ADAMTS20: variants seen among roughly 807,000 people sequenced by gnomAD.
The protein encoded by ADAMTS20 is A disintegrin and metalloproteinase with thrombospondin motifs 20.
In ADAMTS20, 225 loss-of-function variants were observed where a neutral mutation model predicts 260.1. That is an observed-to-expected ratio of 0.87 (90% CI 0.78 to 0.97). The LOEUF is 0.97. ADAMTS20 is among the 50% of genes least tolerant of loss of function. The pLI is 0.00. For synonymous variants in ADAMTS20, 802 were observed against 769.5 expected (o/e 1.04, Z -0.70); for missense variants, 2,400 against 2,337.7 (o/e 1.03, Z -0.55).
intron 38 of ADAMTS20, among the ~76,000 whole-genome samples, chr12:43,354,623 C>T (rs1470423378): frequency 6.6e-6 from 1 of 152,092 alleles, no homozygotes; most frequent in Non-Finnish European, 1.5e-5. Context: ...TATGTATTTG[C>T]TTCAGTGAGT....
chr12:43,428,216 A>C (rs1941368705), intron 26 of ADAMTS20, 25 bp downstream of exon 26: 1 of 1,608,562 alleles, frequency 6.2e-7, no homozygotes, highest in Admixed American at 1.7e-5. Context: ...TACAGAATTA[A>C]TATAACTCAA....
rs1211099354 is a variant in ADAMTS20 at position 43,472,986 on chromosome 12, A to C, written c.1118-4281T>G. Among the ~76,000 whole-genome samples, 566 of 116,236 alleles carry C rather than the reference A, an allele frequency of 4.9e-3. 2 individuals carry two copies. Among genetic ancestry groups the C allele is most frequent in the Non-Finnish European group, 7.8e-3 (438 of 56,470 alleles). 76.3% of individuals were successfully genotyped at this position (116,236 alleles called of 152,430 possible). On this transcript the variant is annotated intron_variant, in intron 7 of 38. Transcript: ENST00000389420. ...GACAGGATCAAATTCACACATAACAATATTAACTTTAAATGTAAATGGACT... is the reference window on the plus strand; with the variant it reads ...GACAGGATCAAATTCACACATAACACTATTAACTTTAAATGTAAATGGACT...
chr12:43,426,886 T>C (rs980897920), intron 27 of ADAMTS20, among the ~76,000 whole-genome samples: 1 of 152,178 alleles, frequency 6.6e-6, no homozygotes, highest in Non-Finnish European at 1.5e-5. Flanking sequence ...ACCTAAACCA[T>C]GACAGAACAT....
At chr12:43,389,288 AAGT>A (rs1940547944) in intron 29 of ADAMTS20, among the ~76,000 whole-genome samples, 1 of 152,220 alleles carries the variant, frequency 6.6e-6, no homozygotes, top group African/African-American at 2.4e-5. Context: ...GAAATCAAGA[AAGT>A]TATGTGCTTA....
chr12:43,441,384 T>C (rs907421825), intron 16 of ADAMTS20, among the ~76,000 whole-genome samples: 2 of 151,966 alleles, frequency 1.3e-5, no homozygotes, highest in African/African-American at 2.4e-5. Context: ...AACATTACTT[T>C]TTAAATATAA....
intron 4 of ADAMTS20, among the ~76,000 whole-genome samples, chr12:43,499,277 GCT>G (rs1216308212): frequency 1.3e-5 from 2 of 152,072 alleles, no homozygotes; most frequent in Non-Finnish European, 2.9e-5. Context: ...ACAGAAACCT[GCT>G]CTCTTTCTAC....
chr12:43,385,349 C>T (rs763478198), intron 29 of ADAMTS20, among the ~76,000 whole-genome samples: 10 of 152,106 alleles, frequency 6.6e-5, no homozygotes, highest in African/African-American at 9.7e-5. Context: ...TGGATATTAG[C>T]GCTTTGTCAC....
At chr12:43,541,479 A>T (rs557282222) in intron 2 of ADAMTS20, among the ~76,000 whole-genome samples, 40 of 152,344 alleles carry the variant, frequency 2.6e-4, no homozygotes, top group African/African-American at 8.9e-4. Context: ...TTCTCCACTA[A>T]CAACACAAAT....
chr12:43,470,567 A>G (rs7967907), intron 7 of ADAMTS20, among the ~76,000 whole-genome samples: 17,547 of 152,204 alleles, frequency 0.12, 1,139 homozygotes, highest in Admixed American at 0.21. Context: ...GGGTTCTCTA[A>G]AAGTTTAAAG....
chr12:43,476,005 A>T (rs1446222257), intron 7 of ADAMTS20, among the ~76,000 whole-genome samples: 6 of 139,292 alleles, frequency 4.3e-5, no homozygotes, highest in Admixed American at 3.8e-4. Flanking sequence ...GGATCTAAAT[A>T]AACTAAAGAG....
chr12:43,524,534 A>C (rs1943115171), intron 3 of ADAMTS20, among the ~76,000 whole-genome samples: 1 of 149,152 alleles, frequency 6.7e-6, no homozygotes, highest in South Asian at 2.2e-4. Flanking sequence ...CCAGATAAAG[A>C]ATTCAAAATG....
At chr12:43,419,319 A>AG (rs1941186894) in intron 28 of ADAMTS20, among the ~76,000 whole-genome samples, 1 of 152,102 alleles carries the variant, frequency 6.6e-6, no homozygotes, top group South Asian at 2.1e-4. Flanking sequence ...AAAAATGTTT[A>AG]TTCCTAACAA....
At chr12:43,411,884 G>A (rs1941039153) in intron 28 of ADAMTS20, among the ~76,000 whole-genome samples, 2 of 152,044 alleles carry the variant, frequency 1.3e-5, no homozygotes, top group African/African-American at 4.8e-5. Context: ...GAGTGACACA[G>A]AAAACTTTAG....
intron 37 of ADAMTS20, among the ~76,000 whole-genome samples, chr12:43,357,196 A>G (rs1046903252): frequency 1.3e-5 from 2 of 152,214 alleles, no homozygotes; most frequent in African/African-American, 4.8e-5. Context: ...TGTTATTAAA[A>G]TAGGTAACAT....
rs143143450 is a variant in ADAMTS20, at chr12:43,456,811, G to A, written c.1615-2759C>T. ...GAGCAGGAGTACAAGCCAGAGTGGCGGGGTGAGTAGTTTGGTGGGAAGGAT... is the reference window on the plus strand; with the variant it reads ...GAGCAGGAGTACAAGCCAGAGTGGCAGGGTGAGTAGTTTGGTGGGAAGGAT... On this transcript the variant is annotated intron_variant, in intron 11 of 38. Coordinates refer to ENST00000389420, the MANE Select transcript of ADAMTS20 (RefSeq NM_025003.5). Among the ~76,000 whole-genome samples, 6 of 152,202 alleles carry A rather than the reference G, an allele frequency of 3.9e-5. 1 individual carries two copies. Among genetic ancestry groups the A allele is most frequent in the African/African-American group, 1.2e-4 (5 of 41,532 alleles).
chr12:43,502,976 A>G (rs1165754538), intron 3 of ADAMTS20, among the ~76,000 whole-genome samples: 1 of 152,224 alleles, frequency 6.6e-6, no homozygotes, highest in Non-Finnish European at 1.5e-5. Flanking sequence ...GTACTTGATT[A>G]TATAAAATAC....
chr12:43,548,478 A>G (rs896319846), intron 2 of ADAMTS20, among the ~76,000 whole-genome samples: 8 of 152,216 alleles, frequency 5.3e-5, no homozygotes, highest in Non-Finnish European at 1.2e-4. Flanking sequence ...CTGATCTGAG[A>G]CTAAAAAGGG....
At chr12:43,388,370 AAC>A (rs1940528839) in intron 29 of ADAMTS20, among the ~76,000 whole-genome samples, 1 of 152,140 alleles carries the variant, frequency 6.6e-6, no homozygotes, top group Non-Finnish European at 1.5e-5. Flanking sequence ...CCCACTGTCT[AAC>A]CAGTGAGATG....
At chr12:43,417,694 G>A (rs755730281) in intron 28 of ADAMTS20, among the ~76,000 whole-genome samples, 9 of 152,140 alleles carry the variant, frequency 5.9e-5, no homozygotes, top group Non-Finnish European at 1.3e-4. Flanking sequence ...AGGTGGCAAG[G>A]GTGATTCACT....
Sources: allele counts gnomAD v4.1 joint callset (sites outside exome capture counted in the v4.1 genomes callset), GRCh38; gene constraint gnomAD v4.1.1; transcripts MANE v1.5; gene names NCBI Gene and HGNC (gene_info 2026-07-23, HGNC 2026-07-21).